The following ALCAM variants were observed in gnomAD, a reference collection of about 807,000 sequenced individuals.
ALCAM encodes the protein activated leukocyte cell adhesion molecule, also known as CD166 antigen.
In ALCAM, 30 loss-of-function variants were observed where a neutral mutation model predicts 70.9. That is an observed-to-expected ratio of 0.42 (90% CI 0.32 to 0.57). ALCAM has a LOEUF of 0.57. Ranked by LOEUF, ALCAM falls within the 20% of genes least tolerant of loss-of-function variation. The pLI is 0.11. For missense variants in ALCAM, 591 were observed against 695.1 expected, an observed-to-expected ratio of 0.85 and a Z score of 1.68; for synonymous variants, 249 against 242.5, an observed-to-expected ratio of 1.03 and a Z score of -0.25.
chr3:105,508,197 T>C (rs531662476), intron 1 of ALCAM, among the ~76,000 whole-genome samples: 23 of 152,328 alleles, frequency 1.5e-4, no homozygotes, highest in Admixed American at 4.6e-4. Flanking sequence ...TTTTAAAATA[T>C]TTGTCTAAAT....
intron 12 of ALCAM, among the ~76,000 whole-genome samples, chr3:105,551,901 A>G (rs1447759871): frequency 6.6e-6 from 1 of 151,584 alleles, no homozygotes; most frequent in Non-Finnish European, 1.5e-5. Flanking sequence ...ATAGGTCATC[A>G]GTTATGAAAT....
intron 1 of ALCAM, among the ~76,000 whole-genome samples, chr3:105,447,141 G>A (rs1392471995): frequency 3.9e-5 from 6 of 151,912 alleles, no homozygotes; most frequent in African/African-American, 1.5e-4. Context: ...TTATTATTAT[G>A]TGTCTCTTAA....
intron 15 of ALCAM, among the ~76,000 whole-genome samples, chr3:105,573,898 A>G (rs1414690535): frequency 1.3e-5 from 2 of 152,216 alleles, no homozygotes; most frequent in Admixed American, 1.3e-4. Flanking sequence ...GAACAATAGA[A>G]TAATTGAAAC....
chr3:105,547,546 T>C (rs200791051), intron 11 of ALCAM, 23 bp downstream of exon 11: 4 of 1,601,074 alleles, frequency 2.5e-6, no homozygotes, highest in African/African-American at 2.7e-5. Context: ...CTTCTTGTTA[T>C]ATGCTGCACT....
At chr3:105,456,656 TTAGTA>T (rs1937538656) in intron 1 of ALCAM, among the ~76,000 whole-genome samples, 1 of 152,294 alleles carries the variant, frequency 6.6e-6, no homozygotes, top group South Asian at 2.1e-4. Flanking sequence ...TTTCTTAATA[TTAGTA>T]CAGTAGAGTT....
At chr3:105,529,563 A>C (rs561203172) in intron 3 of ALCAM, among the ~76,000 whole-genome samples, 2 of 152,262 alleles carry the variant, frequency 1.3e-5, no homozygotes, top group Non-Finnish European at 2.9e-5. Flanking sequence ...TAACTCAGGA[A>C]AATGAAATAA....
chr3:105,402,938 C>CTTCT (rs1936124536), intron 1 of ALCAM, among the ~76,000 whole-genome samples: 1 of 117,256 alleles, frequency 8.5e-6, no homozygotes, highest in Non-Finnish European at 1.8e-5. Flanking sequence ...AGCTGATGCG[C>CTTCT]TTTTTTTTTT....
chr3:105,473,173 A>AAT (rs1056266033), intron 1 of ALCAM, among the ~76,000 whole-genome samples: 1 of 151,524 alleles, frequency 6.6e-6, no homozygotes. Context: ...TAATGTAAAA[A>AAT]ATATATATAT....
chr3:105,386,874 C>T (rs1393622997), intron 1 of ALCAM, among the ~76,000 whole-genome samples: 1 of 151,438 alleles, frequency 6.6e-6, no homozygotes. Context: ...GTTTGGAATG[C>T]TGTTCTTTTG....
chr3:105,519,537 A>G (rs910285980), intron 1 of ALCAM, among the ~76,000 whole-genome samples: 2 of 152,096 alleles, frequency 1.3e-5, no homozygotes, highest in African/African-American at 4.8e-5. Context: ...TCCCCTTATA[A>G]ATAAAATTCA....
At chr3:105,369,927 T>A (rs1935183313) in intron 1 of ALCAM, among the ~76,000 whole-genome samples, 1 of 152,124 alleles carries the variant, frequency 6.6e-6, no homozygotes, top group Admixed American at 6.6e-5. Flanking sequence ...ATAGCAATAT[T>A]CTCGTTATTC....
chr3:105,447,727 G>A (rs1401261614), intron 1 of ALCAM, among the ~76,000 whole-genome samples: 4 of 152,100 alleles, frequency 2.6e-5, no homozygotes, highest in South Asian at 2.1e-4. Flanking sequence ...AAAAAGGTGC[G>A]GGAAGATAAG....
intron 1 of ALCAM, among the ~76,000 whole-genome samples, chr3:105,428,979 T>A (rs971430068): frequency 6.6e-6 from 1 of 152,004 alleles, no homozygotes; most frequent in African/African-American, 2.4e-5. Flanking sequence ...TTTTTCTTGA[T>A]ATTCTTTTTT....
At chr3:105,408,662 T>C (rs1157271656) in intron 1 of ALCAM, among the ~76,000 whole-genome samples, 1 of 151,722 alleles carries the variant, frequency 6.6e-6, no homozygotes, top group Non-Finnish European at 1.5e-5. Flanking sequence ...AGACCAAGAA[T>C]CCAAAAGCAA....
At chr3:105,566,879 A>T (rs1304069456) in intron 14 of ALCAM, among the ~76,000 whole-genome samples, 1 of 152,096 alleles carries the variant, frequency 6.6e-6, no homozygotes, top group East Asian at 1.9e-4. Context: ...ACGTATCTGA[A>T]TTCCCATCTG....
At chr3:105,401,223 G>C (rs1176932303) in intron 1 of ALCAM, among the ~76,000 whole-genome samples, 1 of 152,218 alleles carries the variant, frequency 6.6e-6, no homozygotes, top group Admixed American at 6.5e-5. Flanking sequence ...GTGTGGAATA[G>C]AAATAAATGT....
chr3:105,500,217 C>T (rs1189892999), intron 1 of ALCAM, among the ~76,000 whole-genome samples: 2 of 10,868 alleles, frequency 1.8e-4, no homozygotes, highest in Non-Finnish European at 0.023. Flanking sequence ...ATACTTTCTT[C>T]ATATTAATAC....
chr3:105,532,627 A>C (rs1465546087), intron 4 of ALCAM, among the ~76,000 whole-genome samples: 1 of 151,926 alleles, frequency 6.6e-6, no homozygotes, highest in African/African-American at 2.4e-5. Flanking sequence ...ATATAGAGAG[A>C]ATGATGAAAG....
chr3:105,512,774 T>C (rs1194497473), intron 1 of ALCAM, among the ~76,000 whole-genome samples: 1 of 151,862 alleles, frequency 6.6e-6, no homozygotes, highest in African/African-American at 2.4e-5. Flanking sequence ...TTATTTTTAT[T>C]GTATTGACTA....
Sources: allele counts gnomAD v4.1 joint callset (sites outside exome capture counted in the v4.1 genomes callset), GRCh38; gene constraint gnomAD v4.1.1; transcripts MANE v1.5; gene names NCBI Gene and HGNC (gene_info 2026-07-23, HGNC 2026-07-21).